The following MTERF4 variants were observed in gnomAD, a reference collection of about 807,000 sequenced individuals.
MTERF4 encodes the protein transcription termination factor 4, mitochondrial.
Under a neutral mutation model 22.5 loss-of-function variants are expected in MTERF4, and 17 were observed. The observed-to-expected ratio is 0.75, with a 90% CI of 0.52 to 1.13. The LOEUF is 1.13. MTERF4 is among the 50% of genes most tolerant of loss of function. The probability of loss-of-function intolerance (pLI) is 0.00; values close to 1 mark genes in which losing one functional copy is unlikely to be tolerated. For synonymous variants in MTERF4, 165 were observed against 175.3 expected, an observed-to-expected ratio of 0.94 and a Z score of 0.47; for missense variants, 420 against 466.8, an observed-to-expected ratio of 0.90 and a Z score of 0.92.
At chr2:241,053,100 G>C in the MTERF4 span, 1 of 1,546,558 alleles carries the variant, frequency 6.5e-7, no homozygotes, top group Non-Finnish European at 8.8e-7. Context: ...AGGGCGGTGG[G>C]GAGGGGCCAG....
At chr2:241,070,038 C>G, downstream of MTERF4, 1 of 1,613,040 alleles carries the variant, frequency 6.2e-7, no homozygotes, top group Non-Finnish European at 8.5e-7. Context: ...ATGTGACCAC[C>G]AGCCAGAGCA....
chr2:241,055,569 A>G, the MTERF4 span, among the ~76,000 whole-genome samples: 3 of 152,232 alleles, frequency 2.0e-5, no homozygotes, highest in Non-Finnish European at 4.4e-5. Flanking sequence ...ATGAAATCCT[A>G]TCTTTTCACC....
chr2:241,046,496 C>G, the MTERF4 span, among the ~76,000 whole-genome samples: 11 of 152,294 alleles, frequency 7.2e-5, no homozygotes, highest in African/African-American at 2.4e-4. Flanking sequence ...TAGATACATA[C>G]GACAACTTAG....
chr2:241,087,386 C>A (rs2063637723), downstream of MTERF4: 1 of 1,590,732 alleles, frequency 6.3e-7, no homozygotes, highest in Admixed American at 1.8e-5. Context: ...TTTCTTGTGA[C>A]AACAGGTATA....
chr2:241,063,491 G>T, the MTERF4 span: 1 of 808,402 alleles, frequency 1.2e-6, no homozygotes, highest in East Asian at 2.7e-5. Flanking sequence ...CTGGGAAAGG[G>T]GTAACTGAAG....
At chr2:241,072,236 G>A (rs1375077567) in exon 5 of MTERF4, 4 of 487,536 alleles carry the variant, frequency 8.2e-6, no homozygotes, top group Non-Finnish European at 1.6e-5. Context: ...CCATGGGCAG[G>A]AGGCCATGAG....
chr2:241,065,430 G>A, the MTERF4 span: 8 of 1,612,934 alleles, frequency 5.0e-6, no homozygotes, highest in Non-Finnish European at 2.5e-6. Context: ...CGTCTCCTCC[G>A]ACGGCTCCTA....
At chr2:241,065,256 G>T in the MTERF4 span, 2 of 1,605,698 alleles carry the variant, frequency 1.2e-6, no homozygotes, top group Non-Finnish European at 1.7e-6. Context: ...CATAGCTAAC[G>T]GCTGACCAGT....
chr2:241,042,883 T>C, the MTERF4 span, among the ~76,000 whole-genome samples: 2 of 152,110 alleles, frequency 1.3e-5, no homozygotes, highest in Non-Finnish European at 1.5e-5. Flanking sequence ...ATTAGGGTAA[T>C]AGGATCCACG....
downstream of MTERF4, chr2:241,071,551 C>A: frequency 6.4e-7 from 1 of 1,569,592 alleles, no homozygotes; most frequent in Non-Finnish European, 8.6e-7. Context: ...CCCAGACCAG[C>A]CCCTTCCTCC....
chr2:241,097,876 T>G (rs571765268), intron 2 of MTERF4, among the ~76,000 whole-genome samples: 1 of 152,328 alleles, frequency 6.6e-6, no homozygotes, highest in South Asian at 2.1e-4. Context: ...CAAGCTGAAC[T>G]CAATGAAAAG....
In MTERF4 at chr2:241,099,573, C is replaced by T; in HGVS notation, c.343G>A (p.Val115Ile). 6.2e-7 allele frequency: 1 copy of T among 1,614,218 alleles called. No homozygotes were observed. The highest frequency in any genetic ancestry group is 1.7e-5 in the Admixed American group (1 of 60,022). ...SNAHINELLS[V>I]RRGASLQQLL... is the part of the protein sequence containing the mutation. ...TGTTGAAGACTGGCACCTCGCCGTA[C>T]ACTGAGCAATTCATTAATATGGGCA... Residue 115 changes from valine to isoleucine, a missense_variant, in exon 2 of 4, where the codon GTA becomes ATA. Val to Ile is a conservative substitution (Grantham distance 29). Transcript: ENST00000391980.
chr2:241,085,191 T>C (rs547891530), downstream of MTERF4, among the ~76,000 whole-genome samples: 4 of 152,352 alleles, frequency 2.6e-5, no homozygotes, highest in African/African-American at 9.6e-5. Flanking sequence ...TATTTCTTCA[T>C]ATATTTTTCC....
chr2:241,054,238 A>G, the MTERF4 span, among the ~76,000 whole-genome samples: 1 of 152,190 alleles, frequency 6.6e-6, no homozygotes, highest in Non-Finnish European at 1.5e-5. Flanking sequence ...TCCTCAGAGA[A>G]TATGAGCAAC....
At chr2:241,056,261 G>A in the MTERF4 span, among the ~76,000 whole-genome samples, 5 of 152,162 alleles carry the variant, frequency 3.3e-5, no homozygotes, top group East Asian at 3.9e-4. Context: ...AAATATATCC[G>A]AAATGAATAA....
At chr2:241,083,620 G>C (rs542914522), downstream of MTERF4, among the ~76,000 whole-genome samples, 11 of 152,192 alleles carry the variant, frequency 7.2e-5, no homozygotes, top group Non-Finnish European at 1.2e-4. Flanking sequence ...TATGCAGTGA[G>C]AGTCCGAATC....
chr2:241,058,324 T>C, the MTERF4 span, among the ~76,000 whole-genome samples: 2 of 152,032 alleles, frequency 1.3e-5, no homozygotes, highest in Admixed American at 1.3e-4. Flanking sequence ...TTAATACCAA[T>C]GTTAGAAAAG....
chr2:241,049,114 A>G, the MTERF4 span: 4 of 1,611,434 alleles, frequency 2.5e-6, no homozygotes, highest in African/African-American at 2.7e-5. Flanking sequence ...CGTCTGCCAC[A>G]CCGACCACAA....
chr2:241,064,123 C>T, the MTERF4 span: 1 of 1,552,238 alleles, frequency 6.4e-7, no homozygotes, highest in African/African-American at 1.4e-5. This position sits in a 1 kb window ranked among gnomAD's most constrained non-coding sequence, Gnocchi z 7.0. Flanking sequence ...CACTGCGAGA[C>T]AGGTAGGGCG....
Sources: gnomAD v4.1 joint callset for allele counts (sites outside exome capture counted in the v4.1 genomes callset) on GRCh38, gnomAD v4.1.1 for gene constraint, Gnocchi (gnomAD v3.1) non-coding constraint, MANE v1.5 for transcripts, NCBI Gene and HGNC (gene_info 2026-07-23, HGNC 2026-07-21) for gene names.